PLEKHA6: variants seen among roughly 807,000 people sequenced by gnomAD.
The protein encoded by PLEKHA6 is pleckstrin homology domain containing A6.
PLEKHA6 carries 60 observed loss-of-function variants against 116.7 expected under a neutral mutation model. That is an observed-to-expected ratio of 0.51 (90% CI 0.42 to 0.64). The LOEUF (loss-of-function observed/expected upper bound fraction) is 0.64, where lower values mean the gene tolerates loss of function less well. Ranked by LOEUF, PLEKHA6 falls within the 30% of genes least tolerant of loss-of-function variation. PLEKHA6 has a pLI of 0.00. For synonymous variants in PLEKHA6, 489 were observed against 556.1 expected (o/e 0.88, Z 1.70); for missense variants, 1,338 against 1,422.7 (o/e 0.94, Z 0.96).
At chr1:204,322,952 C>T (rs1672117750) in intron 1 of PLEKHA6, among the ~76,000 whole-genome samples, 1 of 152,230 alleles carries the variant, frequency 6.6e-6, no homozygotes, top group South Asian at 2.1e-4. Flanking sequence ...CCAGGAAGCC[C>T]TCCCTGATAG....
chr1:204,351,904 T>G (rs1430852730), intron 1 of PLEKHA6, among the ~76,000 whole-genome samples: 1 of 152,136 alleles, frequency 6.6e-6, no homozygotes, highest in African/African-American at 2.4e-5. Flanking sequence ...TAAAAACTCA[T>G]CTCTACTAAA....
intron 17 of PLEKHA6, among the ~76,000 whole-genome samples, chr1:204,237,821 A>G (rs1303956276): frequency 2.6e-5 from 4 of 152,236 alleles, no homozygotes; most frequent in Non-Finnish European, 4.4e-5. Flanking sequence ...AAGATATCAC[A>G]CTGGTTCATT....
chr1:204,325,697 A>G (rs1418936410), intron 1 of PLEKHA6, among the ~76,000 whole-genome samples: 1 of 152,156 alleles, frequency 6.6e-6, no homozygotes, highest in African/African-American at 2.4e-5. Flanking sequence ...AGAAACTTCT[A>G]AAGGTGCTCA....
chr1:204,240,862 C>A (rs1662711764), intron 17 of PLEKHA6, among the ~76,000 whole-genome samples: 3 of 152,076 alleles, frequency 2.0e-5, no homozygotes, highest in Admixed American at 2.0e-4. Context: ...GCAGAGCTAC[C>A]CTTAATCTGG....
chr1:204,326,399 G>A (rs753819710), intron 1 of PLEKHA6, among the ~76,000 whole-genome samples: 5 of 152,110 alleles, frequency 3.3e-5, no homozygotes, highest in African/African-American at 1.2e-4. Context: ...AGAGACAATC[G>A]AGACCCATAT....
intron 1 of PLEKHA6, among the ~76,000 whole-genome samples, chr1:204,355,851 T>G (rs1481962328): frequency 6.6e-6 from 1 of 152,222 alleles, no homozygotes; most frequent in Non-Finnish European, 1.5e-5. Flanking sequence ...GTTATTAATA[T>G]GGACAATGTC....
chr1:204,230,556 C>T lies in PLEKHA6; in HGVS notation c.2440G>A (p.Glu814Lys), dbSNP rs776275105. 23 of 1,604,156 alleles carry T rather than the reference C, an allele frequency of 1.4e-5. No homozygotes were observed. Among genetic ancestry groups the T allele is most frequent in the African/African-American group, 1.2e-4 (9 of 74,854 alleles). ...ERPKSAVFPG[E>K]GKVKMSVEEQ... is the part of the protein sequence containing the mutation. The stretch of plus-strand genomic sequence containing the variant: ...TCCACGCTCATCTTGACCTTCCCCT[C>T]GCCAGGAAACACAGCACTCTTGGGG... Residue 814 changes from glutamate to lysine, a missense_variant, in exon 18 of 23, where the codon GAG (glutamate) becomes AAG (lysine). This residue lies in a region of PLEKHA6 where 1,136 missense variants were observed against 1,163.6 expected (regional missense o/e 0.98). Coordinates refer to ENST00000272203, the MANE Select transcript of PLEKHA6 (RefSeq NM_014935.5).
intron 1 of PLEKHA6, among the ~76,000 whole-genome samples, chr1:204,276,338 C>T (rs1440622704): frequency 6.6e-6 from 1 of 152,170 alleles, no homozygotes; most frequent in African/African-American, 2.4e-5. Flanking sequence ...ACTTCCCAAA[C>T]TTTATTCCCA....
In PLEKHA6 at chr1:204,267,469, G is replaced by C. The variant is rs761678706; in HGVS notation, c.280+6C>G. ...CCATCCCTGCCAGTCCAAGGGCCAAGCTCACCTTTATAGTAGAAGAGGCAG... is the reference window on the plus strand; with the variant it reads ...CCATCCCTGCCAGTCCAAGGGCCAACCTCACCTTTATAGTAGAAGAGGCAG... On this transcript the variant is annotated splice_donor_region_variant and intron_variant, in intron 5 of 22. Transcript: ENST00000272203. The C allele has an allele frequency of 5.0e-6, 8 of 1,612,816 alleles. No individual in the cohort carries two copies. The highest frequency in any genetic ancestry group is 1.3e-5 in the African/African-American group (1 of 74,978).
At chr1:204,321,335 G>A (rs1672054336) in intron 1 of PLEKHA6, among the ~76,000 whole-genome samples, 1 of 152,038 alleles carries the variant, frequency 6.6e-6, no homozygotes, top group African/African-American at 2.4e-5. Flanking sequence ...GACGCAAATT[G>A]ATTGTGCCCC....
intron 3 of PLEKHA6, among the ~76,000 whole-genome samples, chr1:204,271,408 C>T (rs1295659585): frequency 6.6e-6 from 1 of 152,176 alleles, no homozygotes; most frequent in Non-Finnish European, 1.5e-5. Context: ...AGAAATTGGT[C>T]TTTATTATAA....
intron 1 of PLEKHA6, among the ~76,000 whole-genome samples, chr1:204,287,120 A>T (rs1669275943): frequency 6.6e-6 from 1 of 151,926 alleles, no homozygotes; most frequent in African/African-American, 2.4e-5. Flanking sequence ...ACCTAGCATC[A>T]CTATGTCATC....
chr1:204,351,148 G>A (rs1382976446), intron 1 of PLEKHA6, among the ~76,000 whole-genome samples: 5 of 152,218 alleles, frequency 3.3e-5, no homozygotes, highest in African/African-American at 7.2e-5. Context: ...CCGGGCTACC[G>A]AGCAGCTGGG....
rs144739810 is a variant in PLEKHA6, at chr1:204,248,928, C to T, written c.1717G>A (p.Glu573Lys). The change falls in exon 12 of 23, where the codon GAG (glutamate) becomes AAG (lysine). Residue 573 changes from glutamate (E) to lysine (K), a missense_variant. Glu to Lys is a moderately conservative substitution (Grantham distance 56). This residue lies in a region of PLEKHA6 where 1,136 missense variants were observed against 1,163.6 expected (regional missense o/e 0.98). Coordinates refer to ENST00000272203, the MANE Select transcript of PLEKHA6 (RefSeq NM_014935.5). ...SALMGTHQEL[E>K]MFGSQPAYPE... The stretch of plus-strand genomic sequence containing the variant: ...TAGGCGGGCTGGCTTCCAAACATCT[C>T]CAGCTCCTGGTGGGTCCCCATCAAG... 1.2e-6 allele frequency: 2 copies of T among 1,614,038 alleles called. No individual in the cohort carries two copies. Among genetic ancestry groups the T allele is most frequent in the Non-Finnish European group, 1.7e-6 (2 of 1,180,024 alleles).
rs918913794 is a variant in PLEKHA6 at position 204,241,820 on chromosome 1, G to A, written c.2173-6C>T. The stretch of plus-strand genomic sequence containing the variant: ...TGTTCATAGTTTGCCTTGGGCTGGG[G>A]AGAAAGGGTGAGAAGATGGTTGATG... On this transcript the variant is annotated splice_polypyrimidine_tract_variant and splice_region_variant and intron_variant, in intron 15 of 22. Transcript: ENST00000272203. 1 of 1,614,086 alleles carries A rather than the reference G, an allele frequency of 6.2e-7. No individual in the cohort carries two copies. Among genetic ancestry groups the A allele is most frequent in the Non-Finnish European group, 8.5e-7 (1 of 1,179,980 alleles).
chr1:204,369,217 A>C (rs947764894), intron 2 of PLEKHA6: 1 of 152,172 alleles, frequency 6.6e-6, no homozygotes, highest in African/African-American at 2.4e-5. Context: ...TTTAATCTGC[A>C]TAGCAACATT....
intron 9 of PLEKHA6, among the ~76,000 whole-genome samples, chr1:204,255,366 A>G (rs58045683): frequency 1.6e-3 from 250 of 152,322 alleles, no homozygotes; most frequent in African/African-American, 5.8e-3. Context: ...ATCTGAGCTG[A>G]GCACTGGAGA....
chr1:204,268,001 G>T (rs1334618460), intron 4 of PLEKHA6, among the ~76,000 whole-genome samples: 1 of 152,136 alleles, frequency 6.6e-6, no homozygotes, highest in Non-Finnish European at 1.5e-5. Flanking sequence ...AACCGGGCTG[G>T]GTTCCCAAGT....
At chr1:204,361,004 G>A (rs1272666370), upstream of PLEKHA6, among the ~76,000 whole-genome samples, 1 of 152,182 alleles carries the variant, frequency 6.6e-6, no homozygotes, top group Non-Finnish European at 1.5e-5. Context: ...GGATCAGAAA[G>A]ATGGAAAAAA....
Sources: gnomAD v4.1 joint callset for allele counts (sites outside exome capture counted in the v4.1 genomes callset) on GRCh38, gnomAD v4.1.1 for gene constraint, gnomAD v4.1.1 regional missense constraint, MANE v1.5 for transcripts, NCBI Gene and HGNC (gene_info 2026-07-23, HGNC 2026-07-21) for gene names.